The following MYO16 variants were observed in gnomAD, a reference collection of about 807,000 sequenced individuals.
The protein encoded by MYO16 is myosin XVI.
A neutral mutation model predicts 205.3 loss-of-function variants in MYO16; 94 were observed. The ratio of observed to expected loss-of-function variants is 0.46; its 90% CI spans 0.39 to 0.54. MYO16 has a LOEUF of 0.54. Ranked by LOEUF, MYO16 falls within the 20% of genes least tolerant of loss-of-function variation. MYO16 has a pLI of 0.00. For synonymous variants in MYO16, 988 were observed against 954.0 expected, an observed-to-expected ratio of 1.04 and a Z score of -0.66; for missense variants, 2,315 against 2,387.5, an observed-to-expected ratio of 0.97 and a Z score of 0.63.
At chr13:108,523,661 G>T in the MYO16 span, among the ~76,000 whole-genome samples, 1 of 152,134 alleles carries the variant, frequency 6.6e-6, no homozygotes, top group Non-Finnish European at 1.5e-5. Flanking sequence ...AAGGGTCTCA[G>T]CTCTGGAAGA....
At chr13:108,955,194 C>T (rs1739806520) in intron 16 of MYO16, among the ~76,000 whole-genome samples, 1 of 152,220 alleles carries the variant, frequency 6.6e-6, no homozygotes, top group Non-Finnish European at 1.5e-5. Flanking sequence ...CCTAGAAAGT[C>T]AGGTCATTTC....
At chr13:108,696,783 G>A (rs1594216741) in intron 2 of MYO16, among the ~76,000 whole-genome samples, 1 of 152,202 alleles carries the variant, frequency 6.6e-6, no homozygotes, top group East Asian at 1.9e-4. Flanking sequence ...CGACTACATG[G>A]AACTGCATAG....
chr13:108,763,886 C>G (rs961799271), intron 4 of MYO16, among the ~76,000 whole-genome samples: 3 of 150,722 alleles, frequency 2.0e-5, no homozygotes, highest in Admixed American at 6.6e-5. Flanking sequence ...AATGTGTAAT[C>G]TGAAATAAGA....
At chr13:108,499,785 A>G in the MYO16 span, among the ~76,000 whole-genome samples, 1 of 152,166 alleles carries the variant, frequency 6.6e-6, no homozygotes, top group East Asian at 1.9e-4. Flanking sequence ...GTATATAATT[A>G]TGTTTCTAAA....
chr13:108,856,073 A>G (rs1239402134), intron 11 of MYO16, among the ~76,000 whole-genome samples: 1 of 152,234 alleles, frequency 6.6e-6, no homozygotes, highest in Non-Finnish European at 1.5e-5. Flanking sequence ...ATCCGAAAAT[A>G]TTACTCAAAT....
At chr13:108,963,738 A>G (rs1356842429) in intron 19 of MYO16, among the ~76,000 whole-genome samples, 5 of 152,128 alleles carry the variant, frequency 3.3e-5, no homozygotes, top group Admixed American at 3.3e-4. Context: ...TCTTCTTCGC[A>G]CCTTCTTTTG....
At chr13:109,180,848 T>C (rs1468013648) in intron 34 of MYO16, among the ~76,000 whole-genome samples, 1 of 152,246 alleles carries the variant, frequency 6.6e-6, no homozygotes, top group Non-Finnish European at 1.5e-5. Flanking sequence ...GCATCACAGA[T>C]GCTTCCTCTG....
chr13:108,830,893 G>C (rs943297929), intron 9 of MYO16, among the ~76,000 whole-genome samples: 1 of 152,142 alleles, frequency 6.6e-6, no homozygotes, highest in African/African-American at 2.4e-5. Context: ...ATTGAGAACT[G>C]TCTATTCAGT....
rs544448109 is a variant in MYO16 at position 109,162,635 on chromosome 13, C to A, written c.5165-2266C>A. Among the ~76,000 whole-genome samples the A allele has an allele frequency of 1.3e-5, 2 of 152,222 alleles. No individual in the cohort carries two copies. Among genetic ancestry groups the A allele is most frequent in the African/African-American group, 4.8e-5 (2 of 41,522 alleles). On this transcript the variant is annotated intron_variant, in intron 32 of 34. Transcript: ENST00000457511. This position sits in a 1 kb window ranked among gnomAD's most constrained non-coding sequence, Gnocchi z 4.6. ...TATCTGCTTGTTTATTGCCAATCAC[C>A]TTTTTGGGAGAGAAGCTCCCAGGTA...
chr13:109,137,271 A>G (rs1165238575), intron 31 of MYO16, among the ~76,000 whole-genome samples: 1 of 152,218 alleles, frequency 6.6e-6, no homozygotes, highest in Non-Finnish European at 1.5e-5. Context: ...TCATTGTCCC[A>G]GCCCTAGAAA....
intron 23 of MYO16, among the ~76,000 whole-genome samples, chr13:109,027,009 C>T (rs1214689267): frequency 6.6e-6 from 1 of 152,150 alleles, no homozygotes; most frequent in Non-Finnish European, 1.5e-5. Context: ...AAACCAAGTA[C>T]CGTAGACTGA....
intron 21 of MYO16, among the ~76,000 whole-genome samples, chr13:108,998,472 G>A (rs1885108770): frequency 6.6e-6 from 1 of 152,070 alleles, no homozygotes; most frequent in Non-Finnish European, 1.5e-5. Flanking sequence ...ATTTTCTCTG[G>A]CCAGATAATA....
intron 4 of MYO16, among the ~76,000 whole-genome samples, chr13:108,732,789 A>G (rs551910853): frequency 7.0e-4 from 106 of 152,288 alleles, no homozygotes; most frequent in Non-Finnish European, 1.1e-3. Flanking sequence ...TTAGGTATCT[A>G]TTGTCCAGAC....
At chr13:108,961,759 C>A in intron 18 of MYO16, 103 bp downstream of exon 18, 1 of 874,070 alleles carries the variant, frequency 1.1e-6, no homozygotes. Flanking sequence ...TGGCTTAAAC[C>A]CTTTCCTCTA....
intron 5 of MYO16, among the ~76,000 whole-genome samples, chr13:108,791,300 C>T (rs35327823): frequency 0.075 from 11,374 of 152,230 alleles, 593 homozygotes; most frequent in Non-Finnish European, 0.12. Context: ...TATTCAAATA[C>T]TGCATTTTGC....
intron 4 of MYO16, among the ~76,000 whole-genome samples, chr13:108,781,568 G>A (rs1289924068): frequency 1.3e-5 from 2 of 152,164 alleles, no homozygotes; most frequent in African/African-American, 2.4e-5. Flanking sequence ...CTGGGCATTA[G>A]CGAGCCAAGC....
At chr13:109,021,940 C>A (rs1448556460) in intron 23 of MYO16, among the ~76,000 whole-genome samples, 1 of 151,384 alleles carries the variant, frequency 6.6e-6, no homozygotes, top group Non-Finnish European at 1.5e-5. Context: ...AGGAAATGTA[C>A]CTGGGTGATA....
chr13:108,580,519 G>T, the MYO16 span, among the ~76,000 whole-genome samples: 1 of 152,044 alleles, frequency 6.6e-6, no homozygotes, highest in East Asian at 1.9e-4. Flanking sequence ...TGTTTATTTG[G>T]TTAAATTTAA....
the MYO16 span, among the ~76,000 whole-genome samples, chr13:108,532,382 A>T: frequency 6.6e-6 from 1 of 151,824 alleles, no homozygotes; most frequent in Non-Finnish European, 1.5e-5. Context: ...AGCTGTTTGA[A>T]CAGAGTAGTG....
Sources: allele counts gnomAD v4.1 joint callset (sites outside exome capture counted in the v4.1 genomes callset), GRCh38; gene constraint gnomAD v4.1.1; non-coding constraint Gnocchi (gnomAD v3.1); transcripts MANE v1.5; gene names NCBI Gene and HGNC (gene_info 2026-07-23, HGNC 2026-07-21).